Variants in MED13L observed in about 807,000 individuals in gnomAD.
The protein encoded by MED13L is mediator complex subunit 13L, also known as mediator of RNA polymerase II transcription subunit 13-like.
Under a neutral mutation model 220.9 loss-of-function variants are expected in MED13L, and 7 were observed. The ratio of observed to expected loss-of-function variants is 0.03; its 90% confidence interval spans 0.02 to 0.06. MED13L has a LOEUF of 0.06. Ranked by LOEUF, MED13L falls within the 10% of genes least tolerant of loss-of-function variation. The pLI is 1.00. For synonymous variants in MED13L, 1,011 were observed against 1,015.2 expected (o/e 1.00, Z 0.08); for missense variants, 1,965 against 2,760.5 (o/e 0.71, Z 6.46).
chr12:116,218,511 A>C, intron 2 of MED13L, among the ~76,000 whole-genome samples: 1 of 152,114 alleles, frequency 6.6e-6, no homozygotes, highest in Non-Finnish European at 1.5e-5. Flanking sequence ...TACTCTATGT[A>C]CTTTCTGGCA....
At chr12:116,228,315 T>C (rs1253323071) in intron 2 of MED13L, among the ~76,000 whole-genome samples, 1 of 152,086 alleles carries the variant, frequency 6.6e-6, no homozygotes, top group Non-Finnish European at 1.5e-5. Flanking sequence ...AAACAACAGG[T>C]TTTATTTTTT....
intron 2 of MED13L, among the ~76,000 whole-genome samples, chr12:116,214,405 CCTT>C (rs925134009): frequency 3.3e-5 from 5 of 151,994 alleles, no homozygotes; most frequent in African/African-American, 1.2e-4. Flanking sequence ...TTCTAAGAAA[CCTT>C]CTCTCTTCAC....
chr12:115,987,656 TATCA>T (rs1390874037), intron 17 of MED13L, among the ~76,000 whole-genome samples: 5 of 152,212 alleles, frequency 3.3e-5, no homozygotes, highest in African/African-American at 1.2e-4. Flanking sequence ...TATTTGCAAA[TATCA>T]ATGTTTTGTT....
Position 116,269,956 on chromosome 12 carries a change from T to G in MED13L, c.72+7104A>C, listed in dbSNP as rs184613875. 2.0e-5 allele frequency among the ~76,000 whole-genome samples: 3 copies of G among 150,158 alleles called. No individual in the cohort carries two copies. In the East Asian group the frequency reaches 5.8e-4, roughly 29 times the overall value. On this transcript the variant is annotated intron_variant, in intron 1 of 30. Coordinates refer to ENST00000281928, the MANE Select transcript of MED13L (RefSeq NM_015335.5). ...ATGAAAAAATACAAGGCAGTTTTCT[T>G]TTTTTTTTTCAAACTAGAATCAAAA...
intron 2 of MED13L, among the ~76,000 whole-genome samples, chr12:116,197,052 T>G (rs989641933): frequency 1.3e-5 from 2 of 152,220 alleles, no homozygotes; most frequent in Non-Finnish European, 2.9e-5. Context: ...ATCAGTTCAG[T>G]GTCTCTCTCT....
At chr12:116,000,186 G>T (rs1023539769) in intron 14 of MED13L, among the ~76,000 whole-genome samples, 7 of 152,132 alleles carry the variant, frequency 4.6e-5, no homozygotes, top group African/African-American at 1.7e-4. Context: ...TGACCCTAAA[G>T]AAATTTTGAG....
chr12:116,144,360 C>T (rs1268454150), intron 2 of MED13L, among the ~76,000 whole-genome samples: 5 of 152,272 alleles, frequency 3.3e-5, no homozygotes, highest in Non-Finnish European at 7.3e-5. Context: ...CAGCTCCCAA[C>T]AGTTCGACCC....
chr12:116,033,748 G>A (rs183313880), intron 4 of MED13L, among the ~76,000 whole-genome samples: 2 of 109,568 alleles, frequency 1.8e-5, no homozygotes, highest in African/African-American at 2.9e-5. Flanking sequence ...TGAATCATGA[G>A]TGTGTGTGTG....
intron 16 of MED13L, among the ~76,000 whole-genome samples, chr12:115,993,018 T>A (rs1023954790): frequency 3.3e-5 from 5 of 151,866 alleles, no homozygotes; most frequent in Non-Finnish European, 7.4e-5. Flanking sequence ...AAACAACAGT[T>A]AAAAAACACA....
intron 4 of MED13L, among the ~76,000 whole-genome samples, chr12:116,047,421 A>G (rs1050298411): frequency 6.6e-6 from 1 of 152,210 alleles, no homozygotes; most frequent in Non-Finnish European, 1.5e-5. Flanking sequence ...TTATTGAAGA[A>G]CTTTGTTGAG....
intron 4 of MED13L, among the ~76,000 whole-genome samples, chr12:116,077,432 C>T (rs746865769): frequency 3.9e-5 from 6 of 151,956 alleles, no homozygotes; most frequent in South Asian, 2.1e-4. Context: ...TAAGGTAGAC[C>T]AAGTATTTAG....
chr12:116,105,446 T>C (rs944801587), intron 3 of MED13L, among the ~76,000 whole-genome samples: 2 of 152,124 alleles, frequency 1.3e-5, no homozygotes, highest in Admixed American at 6.6e-5. Flanking sequence ...ATTAAGAAAA[T>C]AGGAAGCACA....
chr12:116,008,911 T>C lies in MED13L; in HGVS notation c.1502A>G (p.Gln501Arg), dbSNP rs745727532. 2 of 1,614,144 alleles carry C rather than the reference T, an allele frequency of 1.2e-6. No homozygotes were observed. The highest frequency in any genetic ancestry group is 1.7e-5 in the Admixed American group (1 of 60,026). ...CCCTAGTTTCTGTCCTGGTGTATCT[T>C]GCTCCATGCATAATTCTTCGGCCAC... ...PSVAEELCME[Q>R]DTPGQKLGLA... Residue 501 changes from glutamine (Q) to arginine (R), a missense_variant, in exon 10 of 31, where the codon CAA becomes CGA. Physicochemically the swap from Gln to Arg is conservative, Grantham distance 43. This residue lies in a region of MED13L where 818 missense variants were observed against 1,041.2 expected (regional missense o/e 0.79). Transcript: ENST00000281928.
rs531397958 is a variant in MED13L, at chr12:116,022,503, T to C, written c.578A>G (p.Asn193Ser). The change falls in exon 5 of 31, where the codon AAT (asparagine) becomes AGT (serine). Residue 193 changes from asparagine (N) to serine (S), a missense_variant. Asn to Ser is a conservative substitution (Grantham distance 46). Coordinates refer to ENST00000281928, the MANE Select transcript of MED13L (RefSeq NM_015335.5). ...IAQHQPIYLI[N>S]EEHIHMAQSS... ...CTGAGCCATGTGTATATGCTCCTCA[T>C]TGATCAAATAAATTGGCTGGTGCTG... 9 of 1,613,866 alleles carry C rather than the reference T, an allele frequency of 5.6e-6. No homozygotes were observed. Among genetic ancestry groups the C allele is most frequent in the Admixed American group, 1.7e-5 (1 of 59,954 alleles).
intron 1 of MED13L, among the ~76,000 whole-genome samples, chr12:116,243,498 G>A (rs1870830775): frequency 1.3e-5 from 2 of 152,026 alleles, no homozygotes; most frequent in South Asian, 4.2e-4. Context: ...AGGGATAAAT[G>A]CACTTCCTAA....
At chr12:116,251,853 GA>G (rs1343323244) in intron 1 of MED13L, among the ~76,000 whole-genome samples, 2 of 150,274 alleles carry the variant, frequency 1.3e-5, no homozygotes, top group African/African-American at 4.9e-5. Context: ...TGAAATGACA[GA>G]AAAAAGATAT....
chr12:116,031,603 G>C (rs1179136570), intron 4 of MED13L, among the ~76,000 whole-genome samples: 1 of 104,086 alleles, frequency 9.6e-6, no homozygotes, highest in East Asian at 3.3e-4. Flanking sequence ...AAAAAGAAGA[G>C]AGAAGAGAAG....
intron 10 of MED13L, chr12:116,007,867 T>C: frequency 3.7e-6 from 2 of 534,232 alleles, no homozygotes; most frequent in Non-Finnish European, 6.6e-6. Flanking sequence ...ACTGCCTAGT[T>C]TCAAATTCCA....
At chr12:116,242,162 A>T (rs1356990738) in intron 1 of MED13L, among the ~76,000 whole-genome samples, 2 of 147,970 alleles carry the variant, frequency 1.4e-5, no homozygotes, top group African/African-American at 5.0e-5. Context: ...CTCCTGCCTC[A>T]GCCTCCCAAG....
Sources: allele counts gnomAD v4.1 joint callset (sites outside exome capture counted in the v4.1 genomes callset), GRCh38; gene constraint gnomAD v4.1.1; regional missense constraint gnomAD v4.1.1; transcripts MANE v1.5; gene names NCBI Gene and HGNC (gene_info 2026-07-23, HGNC 2026-07-21).